The following SNX29 variants were observed in gnomAD, a reference collection of about 807,000 sequenced individuals.
SNX29 encodes sorting nexin-29.
In SNX29, 78 loss-of-function variants were observed where a neutral mutation model predicts 102.1. The ratio of observed to expected loss-of-function variants is 0.76; its 90% CI spans 0.64 to 0.92. The LOEUF (loss-of-function observed/expected upper bound fraction) is 0.92, where lower values mean the gene tolerates loss of function less well. SNX29 is among the 40% of genes least tolerant of loss of function. SNX29 has a pLI of 0.00. For missense variants in SNX29, 1,280 were observed against 1,061.7 expected (o/e 1.21, Z -2.86); for synonymous variants, 580 against 414.5 (o/e 1.40, Z -4.85).
At chr16:12,368,782 A>G (rs1399292386) in intron 16 of SNX29, among the ~76,000 whole-genome samples, 12 of 152,212 alleles carry the variant, frequency 7.9e-5, no homozygotes, top group Admixed American at 6.5e-5. Context: ...GCCGCTCACA[A>G]CGTCACCTGC....
At chr16:12,467,463 A>G (rs1022896367) in intron 18 of SNX29, among the ~76,000 whole-genome samples, 2 of 152,206 alleles carry the variant, frequency 1.3e-5, no homozygotes. Flanking sequence ...CATCAGGCAC[A>G]TGCACAGACA....
chr16:12,517,218 C>T (rs879360328), intron 19 of SNX29, among the ~76,000 whole-genome samples: 2 of 152,180 alleles, frequency 1.3e-5, no homozygotes, highest in Admixed American at 1.3e-4. Context: ...GGTTTGCCTC[C>T]AGTCCTGTGG....
chr16:12,548,812 C>T (rs2077775797), intron 20 of SNX29, among the ~76,000 whole-genome samples: 1 of 152,204 alleles, frequency 6.6e-6, no homozygotes, highest in African/African-American at 2.4e-5. Context: ...CTGTTGTTTT[C>T]CTATGGCAGG....
In SNX29 at chr16:11,976,812, C is replaced by T; in HGVS notation, c.6C>T (p.Ser2=). The T allele has an allele frequency of 2.2e-6, 3 of 1,376,642 alleles. No individual in the cohort carries two copies. The highest frequency in any genetic ancestry group is 2.8e-6 in the Non-Finnish European group (3 of 1,064,510). 85.3% of individuals were successfully genotyped at this position (1,376,642 alleles called of 1,614,324 possible). A position where few individuals can be genotyped will look rare whatever the true frequency, so the allele number is the denominator to read the frequency against. Residue 2 remains serine, a splice_region_variant and synonymous_variant, in exon 1 of 21, where the codon AGC becomes AGT. Coordinates refer to ENST00000566228, the MANE Select transcript of SNX29 (RefSeq NM_032167.5). M[S]GSQNNDKRQF... ...CCGGCCCGGGGAGAGGCACCATGAGCGGTGAGTGGCGGCCCCGCCGCTGTC... is the reference window on the plus strand; with the variant it reads ...CCGGCCCGGGGAGAGGCACCATGAGTGGTGAGTGGCGGCCCCGCCGCTGTC...
chr16:12,062,855 G>C (rs1223416388), intron 9 of SNX29, among the ~76,000 whole-genome samples: 4 of 152,296 alleles, frequency 2.6e-5, no homozygotes, highest in Middle Eastern at 3.4e-3. Context: ...ACAGTCACTG[G>C]CAGCAGGACG....
In SNX29 at chr16:12,195,320, C is replaced by T. The variant is rs187291818; in HGVS notation, c.1596-4281C>T. ...CAATTAATTTGCAGCCAGCTTCTTT[C>T]TTTTATATTCAAAGCATCCTCATGC... On this transcript the variant is annotated intron_variant, in intron 13 of 20. Transcript: ENST00000566228. Among the ~76,000 whole-genome samples, 437 of 152,328 alleles carry T rather than the reference C, an allele frequency of 2.9e-3. 2 individuals carry two copies. The highest frequency in any genetic ancestry group is 5.0e-3 in the Non-Finnish European group (342 of 68,028).
intron 20 of SNX29, among the ~76,000 whole-genome samples, chr16:12,562,072 T>G (rs1251718499): frequency 6.6e-6 from 1 of 152,114 alleles, no homozygotes; most frequent in Non-Finnish European, 1.5e-5. Context: ...TTCCCGTGTT[T>G]TCTGCCCAGT....
At chr16:12,130,742 CT>C (rs1408683562) in intron 13 of SNX29, among the ~76,000 whole-genome samples, 1 of 151,814 alleles carries the variant, frequency 6.6e-6, no homozygotes, top group African/African-American at 2.4e-5. Flanking sequence ...CTCCTCCTCT[CT>C]TTCTTCCTTA....
Position 12,060,658 on chromosome 16 carries a change from G to A in SNX29, c.1125-870G>A, listed in dbSNP as rs375874319. Reference sequence around the variant, plus strand: ...CAGATTTGCAGGGGTTTTTTGAAACGGTTGATACAGATGTAATGCAGATAC... The same window carrying A: ...CAGATTTGCAGGGGTTTTTTGAAACAGTTGATACAGATGTAATGCAGATAC... On this transcript the variant is annotated intron_variant, in intron 8 of 20. Coordinates refer to ENST00000566228, the MANE Select transcript of SNX29 (RefSeq NM_032167.5). 3.3e-4 allele frequency among the ~76,000 whole-genome samples: 50 copies of A among 152,248 alleles called. No homozygotes were observed. The South Asian group carries it at 9.1e-3, about 28-fold the overall frequency.
chr16:12,079,046 T>C, intron 11 of SNX29, 131 bp downstream of exon 11: 2 of 767,324 alleles, frequency 2.6e-6, no homozygotes, highest in Non-Finnish European at 4.2e-6. Context: ...GGTTGTAGAC[T>C]GGAGGTGTGG....
intron 1 of SNX29, among the ~76,000 whole-genome samples, chr16:11,987,401 CTCT>C (rs2150976245): frequency 9.5e-6 from 1 of 105,298 alleles, no homozygotes; most frequent in East Asian, 2.8e-4. Flanking sequence ...CTGACTTTTA[CTCT>C]TTTTTTTTTT....
chr16:12,538,428 CTG>C (rs1483947887), intron 20 of SNX29, among the ~76,000 whole-genome samples: 1 of 152,158 alleles, frequency 6.6e-6, no homozygotes, highest in Non-Finnish European at 1.5e-5. Flanking sequence ...GGAGTAATAA[CTG>C]AGAATGGTTA....
intron 13 of SNX29, among the ~76,000 whole-genome samples, chr16:12,164,775 C>A (rs2055941508): frequency 4.7e-5 from 7 of 150,374 alleles, no homozygotes; most frequent in Admixed American, 4.6e-4. Context: ...GCAACATCCG[C>A]CTCCCGGGTT....
At chr16:12,165,381 C>T (rs2055973990) in intron 13 of SNX29, among the ~76,000 whole-genome samples, 1 of 152,124 alleles carries the variant, frequency 6.6e-6, no homozygotes, top group Non-Finnish European at 1.5e-5. Context: ...AAAAAGATAA[C>T]CTGCTTGTCA....
At chr16:11,977,424 C>T (rs1487477750) in intron 1 of SNX29, 1 of 153,038 alleles carries the variant, frequency 6.5e-6, no homozygotes. Flanking sequence ...CCAGTTCTTC[C>T]CAGTTACCCA....
chr16:12,175,365 G>A (rs905264287), intron 13 of SNX29, among the ~76,000 whole-genome samples: 7 of 152,084 alleles, frequency 4.6e-5, no homozygotes, highest in African/African-American at 1.7e-4. Flanking sequence ...GGGGCTGGCC[G>A]GGCATGGTGG....
intron 19 of SNX29, among the ~76,000 whole-genome samples, chr16:12,511,430 G>A (rs1392415521): frequency 6.6e-6 from 1 of 152,126 alleles, no homozygotes; most frequent in Non-Finnish European, 1.5e-5. Context: ...TGAGATAATG[G>A]AAGCAAACAC....
chr16:12,395,952 G>C (rs897546754), intron 16 of SNX29, among the ~76,000 whole-genome samples: 1 of 152,202 alleles, frequency 6.6e-6, no homozygotes, highest in Non-Finnish European at 1.5e-5. Flanking sequence ...GCCTGGCCTT[G>C]TTATCAAGTT....
chr16:12,476,394 A>ATATG (rs2087621694), intron 18 of SNX29, among the ~76,000 whole-genome samples: 1 of 18,424 alleles, frequency 5.4e-5, no homozygotes, highest in Non-Finnish European at 8.0e-5. Flanking sequence ...ATATATATAT[A>ATATG]TATATATATA....
Sources: allele counts gnomAD v4.1 joint callset (sites outside exome capture counted in the v4.1 genomes callset), GRCh38; gene constraint gnomAD v4.1.1; transcripts MANE v1.5; gene names NCBI Gene and HGNC (gene_info 2026-07-23, HGNC 2026-07-21).